GLCCI1: variants seen among roughly 807,000 people sequenced by gnomAD.
The protein encoded by GLCCI1 is glucocorticoid-induced transcript 1 protein.
In GLCCI1, 24 loss-of-function variants were observed where a neutral mutation model predicts 52.2. That is an observed-to-expected ratio of 0.46 (90% CI 0.33 to 0.65). The LOEUF (loss-of-function observed/expected upper bound fraction) is 0.65, where lower values mean the gene tolerates loss of function less well. Among genes scored for constraint, GLCCI1 ranks in the 30% least tolerant of loss-of-function variants. GLCCI1 has a pLI of 0.02. For synonymous variants in GLCCI1, 310 were observed against 276.5 expected, an observed-to-expected ratio of 1.12 and a Z score of -1.20; for missense variants, 704 against 701.5, an observed-to-expected ratio of 1.00 and a Z score of -0.04.
At position 8,086,776 on chromosome 7, in the gene GLCCI1, AT is replaced by A. The variant is rs1783115972; in HGVS notation, c.*241del. 2.0e-6 allele frequency: 1 copy of A among 498,882 alleles called. No homozygotes were observed. The highest frequency in any genetic ancestry group is 3.8e-5 in the Admixed American group (1 of 26,628). The allele number at this position is 498,882 out of a possible 1,614,324, so 30.9% of individuals were successfully genotyped here. On this transcript the variant is annotated 3_prime_UTR_variant, in exon 8 of 8. Coordinates refer to ENST00000223145, the MANE Select transcript of GLCCI1 (RefSeq NM_138426.4). This position sits in a 1 kb window ranked among gnomAD's most constrained non-coding sequence, Gnocchi z 4.4. ...TCAGCATTTTAAGTGGAGACTATGCATTTCATAGTATATTTGACAGATTAGT... is the reference window on the plus strand; with the variant it reads ...TCAGCATTTTAAGTGGAGACTATGCATTCATAGTATATTTGACAGATTAGT...
intron 1 of GLCCI1, among the ~76,000 whole-genome samples, chr7:7,996,043 T>G (rs1237327159): frequency 6.6e-6 from 1 of 152,234 alleles, no homozygotes; most frequent in Non-Finnish European, 1.5e-5. Context: ...GCCTGTCTCA[T>G]TTCATAAAAA....
intron 3 of GLCCI1, among the ~76,000 whole-genome samples, chr7:8,048,956 C>T (rs1287309404): frequency 6.6e-6 from 1 of 152,086 alleles, no homozygotes; most frequent in African/African-American, 2.4e-5. Flanking sequence ...GTAAGTAGAA[C>T]TGTTATATTG....
chr7:8,041,404 C>T (rs1781996001), intron 3 of GLCCI1, among the ~76,000 whole-genome samples: 1 of 152,194 alleles, frequency 6.6e-6, no homozygotes, highest in African/African-American at 2.4e-5. Context: ...GATGTAGAAA[C>T]TGCAGCAAGT....
At chr7:8,046,882 C>T (rs189968922) in intron 3 of GLCCI1, among the ~76,000 whole-genome samples, 42 of 152,140 alleles carry the variant, frequency 2.8e-4, no homozygotes, top group African/African-American at 9.2e-4. Flanking sequence ...TTAGGAACTC[C>T]AGAATGTAAG....
At chr7:7,971,175 T>C (rs1780346696) in intron 1 of GLCCI1, among the ~76,000 whole-genome samples, 1 of 152,172 alleles carries the variant, frequency 6.6e-6, no homozygotes, top group Non-Finnish European at 1.5e-5. Flanking sequence ...TTGGGAGGAA[T>C]ATGCTCCTGC....
chr7:8,026,829 C>T (rs79257298), intron 3 of GLCCI1, among the ~76,000 whole-genome samples: 8,221 of 152,270 alleles, frequency 0.054, 335 homozygotes, highest in East Asian at 0.18. Flanking sequence ...CAGACACCCC[C>T]TGTTTGCTGA....
intron 3 of GLCCI1, among the ~76,000 whole-genome samples, chr7:8,031,723 A>T (rs746186005): frequency 7.3e-5 from 11 of 151,188 alleles, no homozygotes; most frequent in Middle Eastern, 3.4e-3. Context: ...AAATATTTTT[A>T]AAAAAACAAA....
At position 8,032,584 on chromosome 7, in the gene GLCCI1, A is replaced by C. The variant is rs556408050; in HGVS notation, c.696+10015A>C. 7.2e-5 allele frequency among the ~76,000 whole-genome samples: 11 copies of C among 152,152 alleles called. No individual in the cohort carries two copies. In the South Asian group the frequency reaches 2.3e-3, roughly 32 times the overall value. On this transcript the variant is annotated intron_variant, in intron 3 of 7. Transcript: ENST00000223145. ...CATTACTACCAACTGTACAAACTTA[A>C]AAAATATTATGAAACAATATTATGA...
At chr7:8,011,767 G>A (rs760979226) in intron 2 of GLCCI1, among the ~76,000 whole-genome samples, 1 of 151,856 alleles carries the variant, frequency 6.6e-6, no homozygotes, top group South Asian at 2.1e-4. Flanking sequence ...CATTAGCAAC[G>A]CACAGGGGTC....
Position 8,081,633 on chromosome 7 carries a change from C to G in GLCCI1, c.1178-3264C>G, listed in dbSNP as rs897462437. On this transcript the variant is annotated intron_variant, in intron 6 of 7. Transcript: ENST00000223145. Reference sequence around the variant, plus strand: ...TCAGAAGAATTTCAGAATACTCAAGCTATACAAGTACATGTAGTTTAATGA... The same window carrying G: ...TCAGAAGAATTTCAGAATACTCAAGGTATACAAGTACATGTAGTTTAATGA... Among the ~76,000 whole-genome samples, 4 of 152,284 alleles carry G rather than the reference C, an allele frequency of 2.6e-5. 1 individual carries two copies. The South Asian group carries it at 6.2e-4, about 24-fold the overall frequency.
At chr7:7,974,205 C>A (rs1351467081) in intron 1 of GLCCI1, among the ~76,000 whole-genome samples, 2 of 151,852 alleles carry the variant, frequency 1.3e-5, no homozygotes, top group Admixed American at 6.6e-5. Flanking sequence ...TCTCATGGTG[C>A]CTAAAATTTC....
chr7:8,022,580 T>C lies in GLCCI1; in HGVS notation c.696+11T>C. 1 of 1,537,162 alleles carries C rather than the reference T, an allele frequency of 6.5e-7. No homozygotes were observed. Among genetic ancestry groups the C allele is most frequent in the South Asian group, 1.3e-5 (1 of 79,908 alleles). On this transcript the variant is annotated intron_variant, in intron 3 of 7. Coordinates refer to ENST00000223145, the MANE Select transcript of GLCCI1 (RefSeq NM_138426.4). ...GATCAACTAAAAGAGGTAAGTTATT[T>C]CTGTTTTCCGTCTGTAACCTGTTTT... is the stretch of plus-strand genomic sequence containing the variant.
At chr7:8,046,532 A>C (rs543815060) in intron 3 of GLCCI1, among the ~76,000 whole-genome samples, 1 of 152,320 alleles carries the variant, frequency 6.6e-6, no homozygotes, top group African/African-American at 2.4e-5. Context: ...TGCATGATAA[A>C]AGTTTGGTTT....
In GLCCI1 at chr7:8,022,479, A is replaced by T; in HGVS notation, c.610-4A>T. 6.6e-7 allele frequency: 1 copy of T among 1,511,688 alleles called. No individual in the cohort carries two copies. Among genetic ancestry groups the T allele is most frequent in the Non-Finnish European group, 8.9e-7 (1 of 1,123,628 alleles). The allele number at this position is 1,511,688 out of a possible 1,614,324, so 93.6% of individuals were successfully genotyped here. A position where few individuals can be genotyped will look rare whatever the true frequency, so the allele number is the denominator to read the frequency against. ...TATTTTATTTATATATATATTTTTT[A>T]AAGACACCTAGCTGTTGGGCAGAAG... On this transcript the variant is annotated splice_region_variant and splice_polypyrimidine_tract_variant and intron_variant, in intron 2 of 7. Transcript: ENST00000223145.
chr7:8,024,884 C>T (rs557055796), intron 3 of GLCCI1: 15 of 152,328 alleles, frequency 9.8e-5, no homozygotes, highest in African/African-American at 3.6e-4. Context: ...AGCTCTGTCG[C>T]ATAGCATTTC....
At chr7:7,992,974 T>A (rs1471762493) in intron 1 of GLCCI1, among the ~76,000 whole-genome samples, 1 of 152,142 alleles carries the variant, frequency 6.6e-6, no homozygotes, top group Non-Finnish European at 1.5e-5. Flanking sequence ...ATTTTTTAAG[T>A]AATGAGGTTT....
chr7:8,004,074 T>C lies in GLCCI1; in HGVS notation c.609+15T>C. 1 of 1,609,996 alleles carries C rather than the reference T, an allele frequency of 6.2e-7. No homozygotes were observed. The highest frequency in any genetic ancestry group is 1.3e-5 in the African/African-American group (1 of 74,922). On this transcript the variant is annotated intron_variant, in intron 2 of 7. Coordinates refer to ENST00000223145, the MANE Select transcript of GLCCI1 (RefSeq NM_138426.4). ...AAGCTACTCAGGTAAAATCAGGAAA[T>C]CAAAATCAGCTTATTACCCTGCACT...
At chr7:8,044,080 G>T (rs1183962113) in intron 3 of GLCCI1, among the ~76,000 whole-genome samples, 1 of 151,990 alleles carries the variant, frequency 6.6e-6, no homozygotes, top group Non-Finnish European at 1.5e-5. Flanking sequence ...GAGTAGCTGG[G>T]ACTACAGGCG....
At chr7:7,981,508 A>G (rs1780619765) in intron 1 of GLCCI1, 1 of 192,144 alleles carries the variant, frequency 5.2e-6, no homozygotes, top group Non-Finnish European at 1.0e-5. Flanking sequence ...TTTTTAGTAA[A>G]GACAGGGTTT....
Sources: gnomAD v4.1 joint callset for allele counts (sites outside exome capture counted in the v4.1 genomes callset) on GRCh38, gnomAD v4.1.1 for gene constraint, Gnocchi (gnomAD v3.1) non-coding constraint, MANE v1.5 for transcripts, NCBI Gene and HGNC (gene_info 2026-07-23, HGNC 2026-07-21) for gene names.